PPP1R13L: variants seen among roughly 807,000 people sequenced by gnomAD.
PPP1R13L encodes the protein relA-associated inhibitor.
Under a neutral mutation model 80.9 loss-of-function variants are expected in PPP1R13L, and 50 were observed. The ratio of observed to expected loss-of-function variants is 0.62; its 90% CI spans 0.49 to 0.78. The LOEUF is 0.78. Ranked by LOEUF, PPP1R13L falls within the 30% of genes least tolerant of loss-of-function variation. The pLI is 0.00. For synonymous variants in PPP1R13L, 602 were observed against 534.3 expected, an observed-to-expected ratio of 1.13 and a Z score of -1.75; for missense variants, 1,200 against 1,205.9, an observed-to-expected ratio of 1.00 and a Z score of 0.07.
intron 12 of PPP1R13L, among the ~76,000 whole-genome samples, chr19:45,380,829 AACAC>A (rs112933504): frequency 2.1e-5 from 3 of 145,446 alleles, no homozygotes; most frequent in African/African-American, 7.7e-5. Flanking sequence ...CCAAAAACAA[AACAC>A]ACACACACAC....
At chr19:45,401,554 G>A (rs1476197554) in intron 1 of PPP1R13L, among the ~76,000 whole-genome samples, 1 of 152,040 alleles carries the variant, frequency 6.6e-6, no homozygotes, top group Non-Finnish European at 1.5e-5. Flanking sequence ...CTTTCAAACT[G>A]TAAGGACCTT....
chr19:45,402,303 G>A (rs1026158258), intron 1 of PPP1R13L, among the ~76,000 whole-genome samples: 1 of 152,062 alleles, frequency 6.6e-6, no homozygotes, highest in Non-Finnish European at 1.5e-5. Flanking sequence ...GGCTGGTCTC[G>A]AACTCCTAGC....
Position 45,385,975 on chromosome 19 carries a change from G to A in PPP1R13L, c.1948-18C>T. ...TCGTTCATCTGAGTGCACCGGGGGAGGGGGAAGACTCAGTCCCGCGGCTGG... is the reference window on the plus strand; with the variant it reads ...TCGTTCATCTGAGTGCACCGGGGGAAGGGGAAGACTCAGTCCCGCGGCTGG... On this transcript the variant is annotated intron_variant, in intron 9 of 12. Transcript: ENST00000360957. 6.2e-7 allele frequency: 1 copy of A among 1,603,680 alleles called. No individual in the cohort carries two copies. The highest frequency in any genetic ancestry group is 8.5e-7 in the Non-Finnish European group (1 of 1,176,712).
At chr19:45,405,208 G>A (rs113293507), upstream of PPP1R13L, 222 of 191,838 alleles carry the variant, frequency 1.2e-3, no homozygotes, top group African/African-American at 4.9e-3. Flanking sequence ...AGCCCAAGAC[G>A]ATCCCATTTG....
Position 45,396,723 on chromosome 19 carries a change from C to T in PPP1R13L, c.534G>A (p.Leu178=), listed in dbSNP as rs773828739. The change falls in exon 4 of 13, where the codon CTG becomes CTA. Residue 178 remains leucine (L), a synonymous_variant. Coordinates refer to ENST00000360957, the MANE Select transcript of PPP1R13L (RefSeq NM_006663.4). This position sits in a 1 kb window ranked among gnomAD's most constrained non-coding sequence, Gnocchi z 5.3. ...TGCCGCGGGGGGAGCCTGCGCGGCCCAGGAAGTCGAAAGGCGTGGGGGGAC... is the reference window on the plus strand; with the variant it reads ...TGCCGCGGGGGGAGCCTGCGCGGCCTAGGAAGTCGAAAGGCGTGGGGGGAC... ...QQGPPTPFDF[L]GRAGSPRGSP... is the part of the protein sequence containing the mutation. 5.1e-5 allele frequency: 71 copies of T among 1,393,056 alleles called. No individual in the cohort carries two copies. The East Asian group carries it at 1.8e-3, about 36-fold the overall frequency. The allele number at this position is 1,393,056 out of a possible 1,614,324, so 86.3% of individuals were successfully genotyped here. A position where few individuals can be genotyped will look rare whatever the true frequency, so the allele number is the denominator to read the frequency against.
At chr19:45,397,738 C>T (rs1459900635) in intron 3 of PPP1R13L, among the ~76,000 whole-genome samples, 2 of 151,848 alleles carry the variant, frequency 1.3e-5, no homozygotes, top group African/African-American at 2.4e-5. Context: ...AGGCGTGAAC[C>T]ACCGTGCCCA....
At chr19:45,398,518 C>A (rs1973162850) in intron 1 of PPP1R13L, among the ~76,000 whole-genome samples, 179 bp from the exon 2 acceptor site, 1 of 152,052 alleles carries the variant, frequency 6.6e-6, no homozygotes, top group African/African-American at 2.4e-5. Context: ...CAAGTCCATG[C>A]GCCACGGAGA....
At position 45,398,106 on chromosome 19, in the gene PPP1R13L, C is replaced by G. The variant is rs1973151164; in HGVS notation, c.97G>C (p.Asp33His). Reference protein sequence around the residue: ...KHMDLKQMELDTAAAKVDELT... With the variant: ...KHMDLKQMELHTAAAKVDELT... ...TCATCCACCTTGGCCGCCGCCGTGT[C>G]CAGCTCCATCTGCTTCAGATCCATG... Residue 33 changes from aspartate (D) to histidine (H), a missense_variant, in exon 3 of 13, where the codon GAC becomes CAC. This residue lies in a region of PPP1R13L where 764 missense variants were observed against 714.5 expected (regional missense o/e 1.07). Coordinates refer to ENST00000360957, the MANE Select transcript of PPP1R13L (RefSeq NM_006663.4). The G allele has an allele frequency of 5.6e-6, 9 of 1,614,078 alleles. No individual in the cohort carries two copies. The highest frequency in any genetic ancestry group is 1.3e-5 in the African/African-American group (1 of 74,932).
chr19:45,386,308 G>T (rs1374896353), intron 8 of PPP1R13L, 128 bp from the exon 9 acceptor site: 3 of 1,215,454 alleles, frequency 2.5e-6, no homozygotes, highest in Non-Finnish European at 3.2e-6. Context: ...GGATTCCCTC[G>T]GGATGGGGTG....
chr19:45,398,388 C>G, intron 1 of PPP1R13L, 49 bp from the exon 2 acceptor site: 5 of 1,574,368 alleles, frequency 3.2e-6, no homozygotes, highest in Non-Finnish European at 4.3e-6. Context: ...CCCCTCTAGA[C>G]CCCGCCCTCA....
In PPP1R13L at chr19:45,396,207, C is replaced by T; in HGVS notation, c.864G>A (p.Trp288Ter). The change falls in exon 6 of 13, where the codon TGG becomes TGA. Residue 288 changes from tryptophan to a stop codon, truncating the protein, a stop_gained. Coordinates refer to ENST00000360957, the MANE Select transcript of PPP1R13L (RefSeq NM_006663.4). LOFTEE classifies it high-confidence loss of function. The surrounding 1 kb of genome is among the most constrained non-coding windows in gnomAD (Gnocchi z 5.3). ...PASPSLQLLP[W>*]RESSLDGLGG... Reference sequence around the variant, plus strand: ...CCAGTCCATCCAGGCTGCTCTCCCTCCAAGGCAACAGCTGCAGGCTCGGCG... The same window carrying T: ...CCAGTCCATCCAGGCTGCTCTCCCTTCAAGGCAACAGCTGCAGGCTCGGCG... 6.2e-7 allele frequency: 1 copy of T among 1,611,830 alleles called. No homozygotes were observed.
chr19:45,382,873 G>T, intron 11 of PPP1R13L, 147 bp from the exon 12 acceptor site: 1 of 733,516 alleles, frequency 1.4e-6, no homozygotes, highest in Non-Finnish European at 2.3e-6. Context: ...CTGTGGATGG[G>T]AACCGGAGCT....
rs1354897961 is a variant in PPP1R13L at position 45,380,210 on chromosome 19, G to C, written c.2467C>G (p.Pro823Ala). ...NYFGLFPRVK[P>A]QRSKV is the part of the protein sequence containing the mutation. ...TCCTGCTAGACTTTACTCCTTTGAGGCTTCACCCTGGGGAACAGCTGGGGA... is the reference window on the plus strand; with the variant it reads ...TCCTGCTAGACTTTACTCCTTTGAGCCTTCACCCTGGGGAACAGCTGGGGA... Residue 823 changes from proline to alanine, a missense_variant, in exon 13 of 13, where the codon CCT becomes GCT. By Grantham distance (27) the Pro-to-Ala change is conservative. Coordinates refer to ENST00000360957, the MANE Select transcript of PPP1R13L (RefSeq NM_006663.4). 1 of 1,613,880 alleles carries C rather than the reference G, an allele frequency of 6.2e-7. No homozygotes were observed. The highest frequency in any genetic ancestry group is 1.3e-5 in the African/African-American group (1 of 74,878).
Position 45,385,972 on chromosome 19 carries a change from G to T in PPP1R13L, c.1948-15C>A, listed in dbSNP as rs1765621011. Reference sequence around the variant, plus strand: ...GGGTCGTTCATCTGAGTGCACCGGGGGAGGGGGAAGACTCAGTCCCGCGGC... The same window carrying T: ...GGGTCGTTCATCTGAGTGCACCGGGTGAGGGGGAAGACTCAGTCCCGCGGC... On this transcript the variant is annotated splice_polypyrimidine_tract_variant and intron_variant, in intron 9 of 12. Transcript: ENST00000360957. 6.2e-7 allele frequency: 1 copy of T among 1,604,748 alleles called. No individual in the cohort carries two copies. Among genetic ancestry groups the T allele is most frequent in the Non-Finnish European group, 8.5e-7 (1 of 1,177,184 alleles).
chr19:45,392,489 G>A, intron 7 of PPP1R13L, 149 bp from the exon 8 acceptor site: 1 of 820,510 alleles, frequency 1.2e-6, no homozygotes, highest in Non-Finnish European at 2.0e-6. Context: ...ACTTTCCTTG[G>A]GCTGTGAATA....
chr19:45,385,783 G>A (rs376355235), intron 10 of PPP1R13L, 41 bp downstream of exon 10: 3 of 1,608,026 alleles, frequency 1.9e-6, no homozygotes, highest in African/African-American at 2.7e-5. Flanking sequence ...CTGCGCGTCC[G>A]CCCACGGGGG....
intron 8 of PPP1R13L, among the ~76,000 whole-genome samples, chr19:45,390,399 AAAT>A (rs1038433539): frequency 4.6e-5 from 7 of 152,168 alleles, no homozygotes; most frequent in South Asian, 2.1e-4. Flanking sequence ...CTGGTGGTTA[AAAT>A]AATAATAATA....
intron 8 of PPP1R13L, among the ~76,000 whole-genome samples, chr19:45,388,314 T>C (rs1015018027): frequency 2.6e-5 from 4 of 152,148 alleles, no homozygotes; most frequent in Non-Finnish European, 5.9e-5. Context: ...TTCTCTATAG[T>C]GGAATGTGTA....
At chr19:45,399,678 G>T (rs1973193731) in intron 1 of PPP1R13L, among the ~76,000 whole-genome samples, 1 of 151,728 alleles carries the variant, frequency 6.6e-6, no homozygotes, top group Non-Finnish European at 1.5e-5. Flanking sequence ...AACCAGCCAG[G>T]CGCGGTGGTT....
Sources: allele counts gnomAD v4.1 joint callset (sites outside exome capture counted in the v4.1 genomes callset), GRCh38; gene constraint gnomAD v4.1.1; regional missense constraint gnomAD v4.1.1; non-coding constraint Gnocchi (gnomAD v3.1); transcripts MANE v1.5; gene names NCBI Gene and HGNC (gene_info 2026-07-23, HGNC 2026-07-21).